The following VRK2 variants were observed in gnomAD, a reference collection of about 807,000 sequenced individuals.
The protein encoded by VRK2 is serine/threonine-protein kinase VRK2.
Under a neutral mutation model 57.6 loss-of-function variants are expected in VRK2, and 60 were observed. That is an observed-to-expected ratio of 1.04 (90% CI 0.85 to 1.29). VRK2 has a LOEUF of 1.29. Among genes scored for constraint, VRK2 ranks in the 50% most tolerant of loss-of-function variants. The pLI is 0.00. For missense variants in VRK2, 705 were observed against 588.1 expected, an observed-to-expected ratio of 1.20 and a Z score of -2.06; for synonymous variants, 231 against 199.2, an observed-to-expected ratio of 1.16 and a Z score of -1.35.
intron 1 of VRK2, among the ~76,000 whole-genome samples, chr2:57,919,567 A>C (rs1670269505): frequency 6.6e-6 from 1 of 152,122 alleles, no homozygotes; most frequent in Non-Finnish European, 1.5e-5. Flanking sequence ...AAGTATACAT[A>C]GAGCTTCATG....
intron 2 of VRK2, among the ~76,000 whole-genome samples, chr2:58,057,886 G>A (rs1357811255): frequency 3.3e-5 from 5 of 152,150 alleles, no homozygotes; most frequent in Non-Finnish European, 7.4e-5. Flanking sequence ...CAAAGAGACA[G>A]CAGTGCTGCA....
chr2:58,027,383 A>G (rs1285869804), intron 2 of VRK2, among the ~76,000 whole-genome samples: 1 of 152,198 alleles, frequency 6.6e-6, no homozygotes, highest in Non-Finnish European at 1.5e-5. Flanking sequence ...GAAGACTTCT[A>G]TGGAGTAGAA....
intron 1 of VRK2, among the ~76,000 whole-genome samples, chr2:57,954,281 C>T (rs1326511964): frequency 6.6e-6 from 1 of 152,082 alleles, no homozygotes; most frequent in African/African-American, 2.4e-5. Context: ...CATATGACCT[C>T]ATTATGGATT....
At chr2:57,965,878 T>G (rs1289927249) in intron 1 of VRK2, among the ~76,000 whole-genome samples, 1 of 152,170 alleles carries the variant, frequency 6.6e-6, no homozygotes, top group Non-Finnish European at 1.5e-5. Flanking sequence ...ATTCATTAAT[T>G]TCCTTGATGA....
chr2:57,937,387 G>C (rs1254849655), intron 1 of VRK2, among the ~76,000 whole-genome samples: 1 of 151,890 alleles, frequency 6.6e-6, no homozygotes, highest in African/African-American at 2.4e-5. Flanking sequence ...AAAACAAACA[G>C]AATGAAACAA....
At chr2:57,976,874 T>C (rs931866177) in intron 1 of VRK2, among the ~76,000 whole-genome samples, 1 of 152,190 alleles carries the variant, frequency 6.6e-6, no homozygotes, top group East Asian at 1.9e-4. Flanking sequence ...AAATTTTTAA[T>C]TCCTCTTGAG....
intron 1 of VRK2, among the ~76,000 whole-genome samples, chr2:57,981,835 C>A (rs1267606164): frequency 6.6e-6 from 1 of 152,174 alleles, no homozygotes; most frequent in African/African-American, 2.4e-5. Flanking sequence ...CCTTCTTCTG[C>A]ATGTTGATGA....
chr2:58,119,480 A>G (rs1451935813), intron 7 of VRK2, among the ~76,000 whole-genome samples: 1 of 150,970 alleles, frequency 6.6e-6, no homozygotes, highest in Non-Finnish European at 1.5e-5. Flanking sequence ...CCATCTCAAA[A>G]AAAAAAAAAA....
intron 2 of VRK2, among the ~76,000 whole-genome samples, chr2:58,070,670 G>A (rs1669248459): frequency 6.6e-6 from 1 of 151,972 alleles, no homozygotes. Context: ...TCTTTTTATG[G>A]CTAAATAATA....
chr2:58,150,229 A>G (rs1464785217), intron 12 of VRK2, among the ~76,000 whole-genome samples: 1 of 150,818 alleles, frequency 6.6e-6, no homozygotes, highest in Non-Finnish European at 1.5e-5. Context: ...GAGCAAGAAA[A>G]CCATCGGGGC....
Position 58,006,137 on chromosome 2 carries a change from T to C in VRK2, c.-438-19528T>C, listed in dbSNP as rs144943208. 1.4e-4 allele frequency among the ~76,000 whole-genome samples: 22 copies of C among 152,320 alleles called. No homozygotes were observed. The East Asian group carries it at 3.7e-3, about 25-fold the overall frequency. On this transcript the variant is annotated intron_variant, in intron 1 of 15. Transcript: ENST00000417641. ...GAAGAACTACTTGAGTTTTCTACTT[T>C]ATACAGAGAGAAATCTGGGGGACAT...
chr2:58,029,983 C>A (rs924731218), intron 2 of VRK2, among the ~76,000 whole-genome samples: 1 of 152,080 alleles, frequency 6.6e-6, no homozygotes, highest in African/African-American at 2.4e-5. Context: ...TAATTGCTAC[C>A]AGCAATACTT....
At chr2:57,958,595 CCCT>C (rs1284465008) in intron 1 of VRK2, among the ~76,000 whole-genome samples, 1 of 151,230 alleles carries the variant, frequency 6.6e-6, no homozygotes, top group Non-Finnish European at 1.5e-5. Flanking sequence ...TTTTATTTTT[CCCT>C]CATTTTGATG....
At chr2:58,073,957 C>T (rs773643290) in intron 2 of VRK2, among the ~76,000 whole-genome samples, 5 of 152,016 alleles carry the variant, frequency 3.3e-5, no homozygotes, top group Non-Finnish European at 5.9e-5. Context: ...GTGGACCTGC[C>T]TTTCCCAGCC....
chr2:58,047,935 A>G (rs892535955), intron 1 of VRK2, among the ~76,000 whole-genome samples: 10 of 152,238 alleles, frequency 6.6e-5, no homozygotes, highest in Admixed American at 2.6e-4. Context: ...TTTTTAATTA[A>G]CTTTCATGTC....
At chr2:58,034,372 C>T (rs1674209233) in intron 3 of VRK2, among the ~76,000 whole-genome samples, 1 of 151,960 alleles carries the variant, frequency 6.6e-6, no homozygotes, top group African/African-American at 2.4e-5. Flanking sequence ...TTGCCCGCTA[C>T]CGATTCCTCA....
intron 2 of VRK2, among the ~76,000 whole-genome samples, chr2:58,075,942 T>C (rs1283391470): frequency 1.3e-5 from 2 of 152,090 alleles, no homozygotes; most frequent in Admixed American, 6.6e-5. Flanking sequence ...CCTTGTAACC[T>C]CAGTTCTCTG....
At chr2:58,066,607 C>T (rs1444400348) in intron 2 of VRK2, among the ~76,000 whole-genome samples, 4 of 151,874 alleles carry the variant, frequency 2.6e-5, no homozygotes, top group Admixed American at 2.6e-4. Flanking sequence ...CTGAAGTATT[C>T]TTTCTTTTGT....
chr2:58,146,524 ATATGCCC>A, intron 12 of VRK2, 50 bp downstream of exon 12: 4 of 1,567,310 alleles, frequency 2.6e-6, no homozygotes, highest in Non-Finnish European at 3.5e-6. Context: ...TTACATTAGA[ATATGCCC>A]TTTGGGAATA....
Sources: gnomAD v4.1 joint callset for allele counts (sites outside exome capture counted in the v4.1 genomes callset) on GRCh38, gnomAD v4.1.1 for gene constraint, MANE v1.5 for transcripts, NCBI Gene and HGNC (gene_info 2026-07-23, HGNC 2026-07-21) for gene names.